Variants in EYS observed in about 807,000 individuals in gnomAD.
EYS encodes the protein protein eyes shut homolog.
A neutral mutation model predicts 282.1 loss-of-function variants in EYS; 250 were observed. That is an observed-to-expected ratio of 0.89 (90% CI 0.80 to 0.98). The LOEUF (loss-of-function observed/expected upper bound fraction) is 0.98. Ranked by LOEUF, EYS falls within the 50% of genes least tolerant of loss-of-function variation. The pLI, the probability that EYS is intolerant of heterozygous loss-of-function variation, is 0.00. For missense variants in EYS, 4,016 were observed against 3,709.0 expected (o/e 1.08, Z -2.15); for synonymous variants, 1,355 against 1,282.9 (o/e 1.06, Z -1.20).
chr6:64,140,005 A>ATAAG (rs1774289876), intron 31 of EYS, among the ~76,000 whole-genome samples: 1 of 148,910 alleles, frequency 6.7e-6, no homozygotes, highest in Non-Finnish European at 1.5e-5. Flanking sequence ...AAATAAATAA[A>ATAAG]TAAATAGGAT....
intron 12 of EYS, among the ~76,000 whole-genome samples, chr6:65,246,985 C>T (rs1767196505): frequency 6.6e-6 from 1 of 152,026 alleles, no homozygotes; most frequent in South Asian, 2.1e-4. Context: ...TGGTATTGTT[C>T]TCTCAATGCC....
intron 9 of EYS, among the ~76,000 whole-genome samples, chr6:65,345,709 CTT>C (rs1410585255): frequency 6.6e-6 from 1 of 151,250 alleles, no homozygotes; most frequent in African/African-American, 2.4e-5. Context: ...GGATTTAACT[CTT>C]AACGTCTTCC....
chr6:64,534,844 G>A (rs1017304448), intron 26 of EYS, among the ~76,000 whole-genome samples: 2 of 151,086 alleles, frequency 1.3e-5, no homozygotes, highest in Admixed American at 1.3e-4. Context: ...AGCCAATAAT[G>A]AGCTAGTGAT....
chr6:64,556,499 C>A (rs1055956076), intron 26 of EYS, among the ~76,000 whole-genome samples: 1 of 151,820 alleles, frequency 6.6e-6, no homozygotes. Context: ...ATTGACTACA[C>A]AAAGGCATGA....
At chr6:63,732,569 C>T (rs1768808362) in intron 41 of EYS, among the ~76,000 whole-genome samples, 1 of 152,146 alleles carries the variant, frequency 6.6e-6, no homozygotes, top group African/African-American at 2.4e-5. Context: ...AGTGATTAGT[C>T]ATTGAGATAC....
intron 13 of EYS, among the ~76,000 whole-genome samples, chr6:65,014,889 C>T (rs1276365433): frequency 6.6e-6 from 1 of 152,058 alleles, no homozygotes; most frequent in East Asian, 1.9e-4. Context: ...TAAGCTTATC[C>T]TATTTTATCT....
At chr6:64,665,346 AGT>A in intron 22 of EYS, among the ~76,000 whole-genome samples, 1 of 152,206 alleles carries the variant, frequency 6.6e-6, no homozygotes, top group Non-Finnish European at 1.5e-5. Context: ...AAGTGCTTTG[AGT>A]AAGGGATTTA....
chr6:64,234,501 G>GT lies in EYS; in HGVS notation c.6192-3678dup, dbSNP rs530436895. Among the ~76,000 whole-genome samples, 214 of 151,934 alleles carry GT rather than the reference G, an allele frequency of 1.4e-3. 1 individual carries two copies. The highest frequency in any genetic ancestry group is 4.9e-3 in the African/African-American group (204 of 41,442). On this transcript the variant is annotated intron_variant, in intron 30 of 42. Coordinates refer to ENST00000503581, the MANE Select transcript of EYS (RefSeq NM_001142800.2). ...AACTGATATATTTAAGTTGTTTTAA[G>GT]TTTTTTTCTTGTTATCTGAATCATA... is the stretch of plus-strand genomic sequence containing the variant.
chr6:64,376,659 G>A (rs1582670638), intron 29 of EYS, among the ~76,000 whole-genome samples: 1 of 152,018 alleles, frequency 6.6e-6, no homozygotes, highest in South Asian at 2.1e-4. Flanking sequence ...ATCAGACATC[G>A]CCTCTGGGAT....
At chr6:64,940,341 C>G (rs115931659) in intron 15 of EYS, among the ~76,000 whole-genome samples, 1 of 151,704 alleles carries the variant, frequency 6.6e-6, no homozygotes, top group Non-Finnish European at 1.5e-5. Context: ...CATACAGAAA[C>G]GCATATACAA....
chr6:64,705,637 C>G (rs1268702128), intron 22 of EYS, among the ~76,000 whole-genome samples: 1 of 151,524 alleles, frequency 6.6e-6, no homozygotes, highest in Non-Finnish European at 1.5e-5. Flanking sequence ...CCATGGAATA[C>G]TATGCAGCCA....
chr6:65,104,983 T>A (rs1255704283), intron 12 of EYS, among the ~76,000 whole-genome samples: 1 of 151,672 alleles, frequency 6.6e-6, no homozygotes, highest in Non-Finnish European at 1.5e-5. Flanking sequence ...TGAAAATATT[T>A]CTGCAGGCAA....
intron 29 of EYS, among the ~76,000 whole-genome samples, chr6:64,365,945 A>G (rs2150410988): frequency 1.3e-5 from 2 of 152,198 alleles, no homozygotes; most frequent in Middle Eastern, 6.8e-3. Context: ...CAGAGTTCAG[A>G]GAATTATATT....
At chr6:64,574,350 A>C (rs748810093) in intron 26 of EYS, among the ~76,000 whole-genome samples, 2 of 152,130 alleles carry the variant, frequency 1.3e-5, no homozygotes, top group Non-Finnish European at 2.9e-5. Context: ...GTTGCAGCAA[A>C]CCACCACAGC....
intron 36 of EYS, among the ~76,000 whole-genome samples, chr6:63,837,666 G>A (rs1241101376): frequency 2.6e-5 from 4 of 152,120 alleles, no homozygotes; most frequent in African/African-American, 9.6e-5. Context: ...AATTAACCAA[G>A]TGAATTTATT....
intron 35 of EYS, among the ~76,000 whole-genome samples, chr6:63,866,154 C>A (rs1375543277): frequency 6.6e-6 from 1 of 152,164 alleles, no homozygotes; most frequent in African/African-American, 2.4e-5. Flanking sequence ...GACTGCTTAG[C>A]TAATGCTGTT....
At chr6:63,751,265 C>G (rs901343349) in intron 41 of EYS, among the ~76,000 whole-genome samples, 1 of 152,002 alleles carries the variant, frequency 6.6e-6, no homozygotes, top group Non-Finnish European at 1.5e-5. Flanking sequence ...TTTGTTCTTA[C>G]CAAATTGCAG....
intron 31 of EYS, among the ~76,000 whole-genome samples, chr6:64,129,017 T>A (rs192180726): frequency 1.0e-3 from 154 of 152,234 alleles, no homozygotes; most frequent in African/African-American, 3.6e-3. Flanking sequence ...TCTGGTCAAG[T>A]CTTGCCCACT....
chr6:64,387,524 T>C (rs1230444234), intron 29 of EYS, among the ~76,000 whole-genome samples: 1 of 152,136 alleles, frequency 6.6e-6, no homozygotes, highest in Non-Finnish European at 1.5e-5. Context: ...TTTATTTATG[T>C]TTCATCCATT....
Sources: allele counts gnomAD v4.1 joint callset (sites outside exome capture counted in the v4.1 genomes callset), GRCh38; gene constraint gnomAD v4.1.1; transcripts MANE v1.5; gene names NCBI Gene and HGNC (gene_info 2026-07-23, HGNC 2026-07-21).